The following CHRNA7 variants were observed in gnomAD, a reference collection of about 807,000 sequenced individuals.
The protein encoded by CHRNA7 is neuronal acetylcholine receptor subunit alpha-7.
CHRNA7 carries 17 observed loss-of-function variants against 48.0 expected under a neutral mutation model. The observed-to-expected ratio is 0.35, with a 90% CI of 0.24 to 0.53. CHRNA7 has a LOEUF of 0.53. Ranked by LOEUF, CHRNA7 falls within the 20% of genes least tolerant of loss-of-function variation. The pLI is 0.92. For synonymous variants in CHRNA7, 75 were observed against 242.3 expected, an observed-to-expected ratio of 0.31 and a Z score of 6.41; for missense variants, 155 against 577.7, an observed-to-expected ratio of 0.27 and a Z score of 7.50.
At chr15:32,055,045 C>T (rs778891841) in intron 2 of CHRNA7, among the ~76,000 whole-genome samples, 7 of 152,174 alleles carry the variant, frequency 4.6e-5, no homozygotes, top group East Asian at 1.9e-4. Context: ...TACTCACCAA[C>T]GCTTGGCATT....
chr15:32,035,983 A>G (rs1018130918), intron 2 of CHRNA7, among the ~76,000 whole-genome samples: 1 of 152,150 alleles, frequency 6.6e-6, no homozygotes, highest in Non-Finnish European at 1.5e-5. Flanking sequence ...TGTATAATCT[A>G]TGGGTTTGGG....
chr15:32,039,135 T>A (rs2049403407), intron 2 of CHRNA7, among the ~76,000 whole-genome samples: 1 of 152,178 alleles, frequency 6.6e-6, no homozygotes, highest in South Asian at 2.1e-4. Flanking sequence ...TTAGTTATTT[T>A]TGTCCTTTCT....
intron 4 of CHRNA7, among the ~76,000 whole-genome samples, chr15:32,130,508 A>T (rs2141315923): frequency 6.6e-6 from 1 of 150,792 alleles, no homozygotes; most frequent in Admixed American, 6.6e-5. Context: ...TTTTTGAGTA[A>T]TGTTTGCAGG....
At chr15:32,048,186 G>A (rs1288005685) in intron 2 of CHRNA7, among the ~76,000 whole-genome samples, 1 of 152,154 alleles carries the variant, frequency 6.6e-6, no homozygotes, top group African/African-American at 2.4e-5. Flanking sequence ...CTGGCCTCAT[G>A]AAATGAGTTA....
chr15:32,104,194 C>T (rs1296400966), intron 3 of CHRNA7, among the ~76,000 whole-genome samples: 1 of 151,960 alleles, frequency 6.6e-6, no homozygotes, highest in Admixed American at 6.6e-5. Flanking sequence ...TTTTTCCTCT[C>T]CCCTCCCCTC....
At chr15:32,114,019 A>AATATATATATATATATATATATATGT (rs2050807733) in intron 4 of CHRNA7, among the ~76,000 whole-genome samples, 3 of 109,164 alleles carry the variant, frequency 2.7e-5, no homozygotes, top group Admixed American at 2.1e-4. Context: ...GCTATCTCCA[A>AATATATATATATATATATATATATGT]ATATATATAT....
intron 2 of CHRNA7, among the ~76,000 whole-genome samples, chr15:32,069,916 C>T (rs527376657): frequency 6.0e-4 from 91 of 152,136 alleles, no homozygotes; most frequent in African/African-American, 2.0e-3. Context: ...ACTCTGGGCA[C>T]TTAACTTGAA....
chr15:32,126,936 T>C (rs1263394641), intron 4 of CHRNA7, among the ~76,000 whole-genome samples: 1 of 152,190 alleles, frequency 6.6e-6, no homozygotes, highest in Non-Finnish European at 1.5e-5. Context: ...TTTTGTGTAG[T>C]ATATATAATT....
chr15:32,093,220 C>T (rs908415506), intron 2 of CHRNA7, among the ~76,000 whole-genome samples: 2 of 152,194 alleles, frequency 1.3e-5, no homozygotes, highest in Non-Finnish European at 2.9e-5. Flanking sequence ...TATCACTACC[C>T]ATTGTCAGCT....
chr15:32,108,028 AT>A (rs946268233), intron 3 of CHRNA7, among the ~76,000 whole-genome samples: 3 of 152,060 alleles, frequency 2.0e-5, no homozygotes, highest in East Asian at 1.9e-4. Context: ...ACCATAATGT[AT>A]TTTTTTAATG....
At chr15:32,131,948 G>A (rs1032381195) in intron 4 of CHRNA7, among the ~76,000 whole-genome samples, 6 of 151,346 alleles carry the variant, frequency 4.0e-5, no homozygotes, top group African/African-American at 1.2e-4. Context: ...GGGAGTGGAA[G>A]TCCAGGCTCC....
chr15:32,051,431 A>AGGACCCTCCGAGCCG (rs2049675351), intron 2 of CHRNA7, among the ~76,000 whole-genome samples: 1 of 152,088 alleles, frequency 6.6e-6, no homozygotes, highest in African/African-American at 2.4e-5. Flanking sequence ...GTGAGACTCC[A>AGGACCCTCCGAGCCG]TGGGCGTAGG....
intron 4 of CHRNA7, among the ~76,000 whole-genome samples, chr15:32,123,850 A>G (rs1376899727): frequency 6.6e-6 from 1 of 150,558 alleles, no homozygotes; most frequent in Non-Finnish European, 1.5e-5. Context: ...CATAAAAGTC[A>G]GTTTTCTCTT....
Position 32,168,770 on chromosome 15 carries a change from C to CGG in CHRNA7, c.*312_*313insGG. 3 of 18,878 alleles carry CGG rather than the reference C, an allele frequency of 1.6e-4. No individual in the cohort carries two copies. Among genetic ancestry groups the CGG allele is most frequent in the Admixed American group, 6.9e-4 (1 of 1,448 alleles). 1.2% of individuals were successfully genotyped at this position (18,878 alleles called of 1,614,324 possible). A position where few individuals can be genotyped will look rare whatever the true frequency, so the allele number is the denominator to read the frequency against. On this transcript the variant is annotated 3_prime_UTR_variant, in exon 10 of 10. Transcript: ENST00000306901. Reference sequence around the variant, plus strand: ...CCCTTCGGAGAGCTCCCCATGGCTCCTCACCACCGAGACAGTTGGTTTTGC... The same window carrying CGG: ...CCCTTCGGAGAGCTCCCCATGGCTCCGGTCACCACCGAGACAGTTGGTTTTGC...
intron 4 of CHRNA7, among the ~76,000 whole-genome samples, chr15:32,117,287 C>T (rs1239088535): frequency 1.3e-5 from 2 of 152,202 alleles, no homozygotes; most frequent in Non-Finnish European, 2.9e-5. Flanking sequence ...GCTTATCTGC[C>T]AGCTGCCTTC....
At chr15:32,146,952 CT>C (rs2141349363) in intron 4 of CHRNA7, among the ~76,000 whole-genome samples, 1 of 152,292 alleles carries the variant, frequency 6.6e-6, no homozygotes, top group Non-Finnish European at 1.5e-5. Context: ...AAATGCAACA[CT>C]TTCATAATGC....
chr15:32,148,356 A>T (rs1164632808), intron 4 of CHRNA7, among the ~76,000 whole-genome samples: 1 of 152,122 alleles, frequency 6.6e-6, no homozygotes, highest in Non-Finnish European at 1.5e-5. Flanking sequence ...CTTCTGGGTC[A>T]GATGATGCTT....
At chr15:32,141,586 CTT>C (rs2051379796) in intron 4 of CHRNA7, among the ~76,000 whole-genome samples, 2 of 152,170 alleles carry the variant, frequency 1.3e-5, no homozygotes, top group Non-Finnish European at 2.9e-5. Flanking sequence ...TTTGTGTCCT[CTT>C]TTATTTCATT....
intron 2 of CHRNA7, among the ~76,000 whole-genome samples, chr15:32,053,240 C>G (rs1025367524): frequency 6.6e-6 from 1 of 152,116 alleles, no homozygotes; most frequent in African/African-American, 2.4e-5. Context: ...GAAGATATTC[C>G]CTGAAGGGTT....
Sources: gnomAD v4.1 joint callset for allele counts (sites outside exome capture counted in the v4.1 genomes callset) on GRCh38, gnomAD v4.1.1 for gene constraint, MANE v1.5 for transcripts, NCBI Gene and HGNC (gene_info 2026-07-23, HGNC 2026-07-21) for gene names.